The following KRT7 variants were observed in gnomAD, a reference collection of about 807,000 sequenced individuals.
KRT7 encodes keratin, type II cytoskeletal 7.
Under a neutral mutation model 42.8 loss-of-function variants are expected in KRT7, and 50 were observed. The ratio of observed to expected loss-of-function variants is 1.17; its 90% CI spans 0.93 to 1.48. The LOEUF is 1.48. Ranked by LOEUF, KRT7 falls within the 40% of genes most tolerant of loss-of-function variation. The probability of loss-of-function intolerance (pLI) is 0.00; values close to 1 mark genes in which losing one functional copy is unlikely to be tolerated. For missense variants in KRT7, 588 were observed against 637.6 expected, an observed-to-expected ratio of 0.92 and a Z score of 0.84; for synonymous variants, 268 against 266.3, an observed-to-expected ratio of 1.01 and a Z score of -0.06.
rs1363695008 is a variant in KRT7, at chr12:52,233,405, A to T, written c.109A>T (p.Ser37Cys). The stretch of plus-strand genomic sequence containing the variant: ...CGCTCGCCCCGGCGGCCTTGGCAGC[A>T]GCAGCCTCTACGGCCTCGGCGCCTC... ...SSARPGGLGS[S>C]SLYGLGASRP... The change falls in exon 1 of 9, where the codon AGC becomes TGC. Residue 37 changes from serine to cysteine, a missense_variant. Coordinates refer to ENST00000331817, the MANE Select transcript of KRT7 (RefSeq NM_005556.4). 11 of 1,564,662 alleles carry T rather than the reference A, an allele frequency of 7.0e-6. No individual in the cohort carries two copies. Among genetic ancestry groups the T allele is most frequent in the Non-Finnish European group, 9.5e-6 (11 of 1,161,544 alleles).
chr12:52,251,542 T>A (rs760014511), downstream of KRT7, among the ~76,000 whole-genome samples: 1 of 152,236 alleles, frequency 6.6e-6, no homozygotes, highest in South Asian at 2.1e-4. Flanking sequence ...AAGCTACAAA[T>A]CTGTACAGCA....
At chr12:52,234,306 C>T (rs980125795) in intron 1 of KRT7, among the ~76,000 whole-genome samples, 9 of 152,184 alleles carry the variant, frequency 5.9e-5, no homozygotes, top group Admixed American at 5.9e-4. Context: ...TGTTGGCCTC[C>T]GCCACACATG....
downstream of KRT7, chr12:52,253,204 C>T (rs757913188): frequency 2.5e-6 from 4 of 1,602,214 alleles, no homozygotes; most frequent in South Asian, 2.2e-5. Context: ...GTGGGCTGGG[C>T]TCCCATACCT....
chr12:52,252,963 T>C (rs1361673883), downstream of KRT7, among the ~76,000 whole-genome samples: 1 of 152,200 alleles, frequency 6.6e-6, no homozygotes, highest in African/African-American at 2.4e-5. Flanking sequence ...AGCCCAGGTT[T>C]CCTGCCCCTT....
chr12:52,255,360 G>A (rs1486356176), downstream of KRT7: 1 of 456,676 alleles, frequency 2.2e-6, no homozygotes, highest in Admixed American at 2.3e-5. Flanking sequence ...CTTCTTCAAG[G>A]CCACAAATTC....
chr12:52,238,674 C>T lies in KRT7; in HGVS notation c.598-6C>T. 1 of 1,605,688 alleles carries T rather than the reference C, an allele frequency of 6.2e-7. No individual in the cohort carries two copies. The highest frequency in any genetic ancestry group is 8.5e-7 in the Non-Finnish European group (1 of 1,172,256). ...TCCCTCTGCCCCATCTTGCCCCAAC[C>T]CCCAGGATGTGGATGCTGCCTACAT... On this transcript the variant is annotated splice_region_variant and splice_polypyrimidine_tract_variant and intron_variant, in intron 3 of 8. Transcript: ENST00000331817.
rs202035356 is a variant in KRT7, at chr12:52,233,560, C to T, written c.264C>T (p.Arg88=). 16 of 1,613,254 alleles carry T rather than the reference C, an allele frequency of 9.9e-6. 1 individual carries two copies. Among genetic ancestry groups the T allele is most frequent in the Middle Eastern group, 1.8e-4 (1 of 5,576 alleles). Residue 88 remains arginine, a synonymous_variant, in exon 1 of 9, where the codon CGC becomes CGT. Coordinates refer to ENST00000331817, the MANE Select transcript of KRT7 (RefSeq NM_005556.4). ...CCGACCCCTCCCTCCAGCGGGTGCG[C>T]CAGGAGGAGAGCGAGCAGATCAAGA... The part of the protein sequence containing the change: ...LDADPSLQRV[R]QEESEQIKTL...
At chr12:52,252,070 A>G (rs756402130), downstream of KRT7, 2 of 797,442 alleles carry the variant, frequency 2.5e-6, no homozygotes, top group South Asian at 2.9e-5. Context: ...TTATAGGGAA[A>G]GCAAAGAGAC....
chr12:52,248,461 G>A, intron 8 of KRT7, 130 bp from the exon 9 acceptor site: 1 of 1,010,920 alleles, frequency 9.9e-7, no homozygotes, highest in Non-Finnish European at 1.5e-6. Flanking sequence ...CTCCTTCTGG[G>A]TTGGCCCATG....
At chr12:52,249,137 G>A (rs1017847982), downstream of KRT7, among the ~76,000 whole-genome samples, 1 of 152,232 alleles carries the variant, frequency 6.6e-6, no homozygotes, top group Non-Finnish European at 1.5e-5. Context: ...AGGAAGCCCA[G>A]AAGAGCCACG....
chr12:52,243,083 G>T lies in KRT7; in HGVS notation c.930G>T (p.Glu310Asp). ...GGAATACCCGGAATGAGATTTCAGAGATGAACCGGGCCATCCAGAGGCTGC... is the reference window on the plus strand; with the variant it reads ...GGAATACCCGGAATGAGATTTCAGATATGAACCGGGCCATCCAGAGGCTGC... ...DLRNTRNEIS[E>D]MNRAIQRLQA... The change falls in exon 6 of 9, where the codon GAG becomes GAT. Residue 310 changes from glutamate (E) to aspartate (D), a missense_variant. Transcript: ENST00000331817. 1 of 1,613,992 alleles carries T rather than the reference G, an allele frequency of 6.2e-7. No homozygotes were observed. The highest frequency in any genetic ancestry group is 8.5e-7 in the Non-Finnish European group (1 of 1,179,926).
intron 4 of KRT7, among the ~76,000 whole-genome samples, chr12:52,239,567 T>C (rs1456212496): frequency 6.6e-6 from 1 of 152,070 alleles, no homozygotes; most frequent in Admixed American, 6.6e-5. Context: ...TCAATCAGGA[T>C]TGACCTTGGA....
chr12:52,254,289 G>A (rs781006864), downstream of KRT7: 2 of 976,398 alleles, frequency 2.0e-6, no homozygotes, highest in Admixed American at 3.6e-5. Context: ...AGCCGCCTCA[G>A]GAAGTCGATC....
At chr12:52,244,375 G>T in intron 6 of KRT7, 1 of 985,654 alleles carries the variant, frequency 1.0e-6, no homozygotes, top group Non-Finnish European at 1.2e-6. Flanking sequence ...ACAACAGGGC[G>T]GATCCAGGCC....
At chr12:52,255,237 T>C, downstream of KRT7, 2 of 416,810 alleles carry the variant, frequency 4.8e-6, no homozygotes, top group Non-Finnish European at 4.9e-6. Context: ...CTCTCCGAAC[T>C]ACAGAGAGCC....
At chr12:52,248,095 G>A (rs1942203196) in intron 7 of KRT7, 82 bp from the exon 8 acceptor site, 2 of 1,291,722 alleles carry the variant, frequency 1.5e-6, no homozygotes, top group Admixed American at 3.4e-5. Context: ...TCCTGCTTGG[G>A]GCCTGGAAGG....
At chr12:52,243,442 T>G (rs1389809391) in intron 6 of KRT7, 2 of 309,806 alleles carry the variant, frequency 6.5e-6, no homozygotes, top group South Asian at 1.4e-4. Context: ...TGGTTCTGGC[T>G]GCAGGGCGCT....
At chr12:52,248,543 T>G (rs769759552) in intron 8 of KRT7, 48 bp from the exon 9 acceptor site, 1 of 1,516,840 alleles carries the variant, frequency 6.6e-7, no homozygotes, top group East Asian at 2.3e-5. Flanking sequence ...ATGGGGTCCC[T>G]GGTAGGGAGC....
intron 6 of KRT7, chr12:52,244,435 G>T: frequency 1.0e-6 from 1 of 985,856 alleles, no homozygotes; most frequent in Non-Finnish European, 1.2e-6. Flanking sequence ...GAGCTACAAG[G>T]GGTCTCCAGA....
Sources: gnomAD v4.1 joint callset for allele counts (sites outside exome capture counted in the v4.1 genomes callset) on GRCh38, gnomAD v4.1.1 for gene constraint, MANE v1.5 for transcripts, NCBI Gene and HGNC (gene_info 2026-07-23, HGNC 2026-07-21) for gene names.